Variants in EGF observed in about 807,000 individuals in gnomAD.
EGF encodes epidermal growth factor, also known as pro-epidermal growth factor.
EGF carries 95 observed loss-of-function variants against 143.8 expected under a neutral mutation model. That is an observed-to-expected ratio of 0.66 (90% CI 0.56 to 0.78). The LOEUF (loss-of-function observed/expected upper bound fraction) is 0.78. Ranked by LOEUF, EGF falls within the 30% of genes least tolerant of loss-of-function variation. The pLI, the probability that EGF is intolerant of heterozygous loss-of-function variation, is 0.00. For missense variants in EGF, 1,320 were observed against 1,470.9 expected, an observed-to-expected ratio of 0.90 and a Z score of 1.68; for synonymous variants, 510 against 510.5, an observed-to-expected ratio of 1.00 and a Z score of 0.01.
At chr4:109,986,619 A>G (rs1212492502) in intron 16 of EGF, among the ~76,000 whole-genome samples, 1 of 152,208 alleles carries the variant, frequency 6.6e-6, no homozygotes, top group Non-Finnish European at 1.5e-5. Flanking sequence ...TTCTGTACTA[A>G]GATGAGCAAG....
In EGF at chr4:109,992,377, A is replaced by G. The variant is rs571438283; in HGVS notation, c.2735-870A>G. 4 of 152,260 alleles carry G rather than the reference A, an allele frequency of 2.6e-5. No individual in the cohort carries two copies. The South Asian group carries it at 8.3e-4, about 32-fold the overall frequency. The allele number at this position is 152,260 out of a possible 1,614,324, so 9.4% of individuals were successfully genotyped here. The stretch of plus-strand genomic sequence containing the variant: ...AAATTGGAATGATACAGAGAAGATT[A>G]GCATGGCCCCTGCGCAAGGAGGACA... On this transcript the variant is annotated intron_variant, in intron 18 of 23. Transcript: ENST00000265171.
chr4:109,978,893 G>C (rs530684329), intron 13 of EGF, among the ~76,000 whole-genome samples: 57 of 152,324 alleles, frequency 3.7e-4, no homozygotes, highest in Admixed American at 4.6e-4. Context: ...AGTTATTTGA[G>C]TTTGCCACCA....
intron 16 of EGF, among the ~76,000 whole-genome samples, chr4:109,984,952 C>T (rs1037181476): frequency 6.6e-6 from 1 of 152,146 alleles, no homozygotes; most frequent in Non-Finnish European, 1.5e-5. Context: ...GTCCTCAAGG[C>T]CACAGTTAGT....
At chr4:109,987,696 C>A in intron 16 of EGF, 48 bp from the exon 17 acceptor site, 5 of 1,503,276 alleles carry the variant, frequency 3.3e-6, no homozygotes, top group Non-Finnish European at 4.6e-6. Context: ...AGTCCGTTTT[C>A]TTCTCTAAGG....
intron 1 of EGF, among the ~76,000 whole-genome samples, chr4:109,927,848 TGA>T (rs1739008494): frequency 1.4e-5 from 2 of 142,434 alleles, no homozygotes; most frequent in African/African-American, 5.2e-5. Flanking sequence ...TGTGTGTGTG[TGA>T]AACATTTGGA....
chr4:109,988,581 C>G lies in EGF; in HGVS notation c.2609-3C>G. On this transcript the variant is annotated splice_region_variant and splice_polypyrimidine_tract_variant and intron_variant, in intron 17 of 23. Coordinates refer to ENST00000265171, the MANE Select transcript of EGF (RefSeq NM_001963.6). ...TTGCACTAGTTCATAATTTTGCCCA[C>G]AGATATAGATGAATGTGAGATGGGT... 6.2e-7 allele frequency: 1 copy of G among 1,613,982 alleles called. No individual in the cohort carries two copies. The highest frequency in any genetic ancestry group is 8.5e-7 in the Non-Finnish European group (1 of 1,179,860).
Position 109,946,780 on chromosome 4 carries a change from A to G in EGF, c.940+1505A>G, listed in dbSNP as rs74895108. Among the ~76,000 whole-genome samples the G allele has an allele frequency of 0.013, 1,990 of 152,318 alleles. 209 individuals are homozygous for G. The East Asian group carries it at 0.23, about 18-fold the overall frequency. ...AATGAGTGATTGACTGAATCTAGTCACAGTCCCAAATTTCCACTTCTAAAT... is the reference window on the plus strand; with the variant it reads ...AATGAGTGATTGACTGAATCTAGTCGCAGTCCCAAATTTCCACTTCTAAAT... On this transcript the variant is annotated intron_variant, in intron 5 of 23. Transcript: ENST00000265171.
intron 11 of EGF, among the ~76,000 whole-genome samples, chr4:109,974,160 A>C (rs2126097730): frequency 6.6e-6 from 1 of 152,366 alleles, no homozygotes; most frequent in South Asian, 2.1e-4. Flanking sequence ...GTGCCATTTT[A>C]TATCAGGGAA....
At chr4:110,008,123 CCTCT>C (rs762092350) in intron 22 of EGF, 25 bp from the exon 23 acceptor site, 1 of 1,587,448 alleles carries the variant, frequency 6.3e-7, no homozygotes, top group Admixed American at 1.7e-5. Flanking sequence ...TTAACAATAT[CCTCT>C]CTCCCTCCTT....
rs1366192903 is a variant in EGF, at chr4:109,944,926, CTT to C, written c.738-146_738-145del. ...ATGAGGAGATAAATAAAATTTTAAACTTAATATACTTTTCTAAACATAAATGA... is the reference window on the plus strand; with the variant it reads ...ATGAGGAGATAAATAAAATTTTAAACAATATACTTTTCTAAACATAAATGA... On this transcript the variant is annotated intron_variant, in intron 4 of 23. Transcript: ENST00000265171. The C allele has an allele frequency of 6.0e-6, 5 of 838,342 alleles. No individual in the cohort carries two copies. In the African/African-American group the frequency reaches 8.6e-5, roughly 14 times the overall value. 51.9% of individuals were successfully genotyped at this position (838,342 alleles called of 1,614,324 possible).
In EGF at chr4:109,969,039, G is replaced by T. The variant is rs367804392; in HGVS notation, c.1644G>T (p.Arg548Ser). Residue 548 changes from arginine to serine, a missense_variant, in exon 11 of 24, where the codon AGG (arginine) becomes AGT (serine). Arg to Ser is a moderately radical substitution (Grantham distance 110, BLOSUM62 -1). Around this residue, in one of 5 missense-constraint regions of EGF, gnomAD observed 1,186 missense variants for 1,313.7 expected, o/e 0.90. Coordinates refer to ENST00000265171, the MANE Select transcript of EGF (RefSeq NM_001963.6). ...RANMDGSQRERLIEEGVDVPE... is the reference protein window; with the variant it reads ...RANMDGSQRESLIEEGVDVPE... ...ATATGGATGGTTCCCAGCGAGAAAG[G>T]CTTATTGAGGAAGGAGTAGATGTGC... 17 of 1,614,072 alleles carry T rather than the reference G, an allele frequency of 1.1e-5. No homozygotes were observed. The African/African-American group carries it at 1.6e-4, about 15-fold the overall frequency.
At chr4:109,949,550 T>C in intron 5 of EGF, among the ~76,000 whole-genome samples, 1 of 152,146 alleles carries the variant, frequency 6.6e-6, no homozygotes, top group East Asian at 1.9e-4. Flanking sequence ...ACCCATGTCA[T>C]TTTTCTGTTT....
chr4:110,009,641 TC>T (rs1753754605), intron 23 of EGF, among the ~76,000 whole-genome samples: 1 of 152,080 alleles, frequency 6.6e-6, no homozygotes, highest in African/African-American at 2.4e-5. Context: ...TATAACTATC[TC>T]CCAGCATGAG....
At chr4:109,926,343 A>T (rs900297344) in intron 1 of EGF, among the ~76,000 whole-genome samples, 3 of 146,284 alleles carry the variant, frequency 2.1e-5, no homozygotes, top group Non-Finnish European at 3.0e-5. Context: ...ACAGAGTGAG[A>T]CACTGTCTTT....
rs753659939 is a variant in EGF, at chr4:109,993,293, C to G, written c.2781C>G (p.Ala927=). Residue 927 remains alanine, a synonymous_variant, in exon 19 of 24, where the codon GCC becomes GCG. Transcript: ENST00000265171. The stretch of plus-strand genomic sequence containing the variant: ...GGGAGCACAGCTGTGGAGAGAATGC[C>G]AGCTGCACAAATACAGAGGGAGGCT... The part of the protein sequence containing the change: ...QLGEHSCGEN[A]SCTNTEGGYT... 1.5e-5 allele frequency: 24 copies of G among 1,613,748 alleles called. No homozygotes were observed. The highest frequency in any genetic ancestry group is 2.0e-5 in the Non-Finnish European group (24 of 1,179,898).
chr4:110,008,826 C>T (rs1753649850), intron 23 of EGF, among the ~76,000 whole-genome samples: 1 of 152,180 alleles, frequency 6.6e-6, no homozygotes, highest in African/African-American at 2.4e-5. Context: ...AACTCAGATA[C>T]CCTTAAGAGT....
intron 9 of EGF, 30 bp downstream of exon 9, chr4:109,963,328 C>T (rs1746014429): frequency 6.2e-7 from 1 of 1,613,124 alleles, no homozygotes; most frequent in Non-Finnish European, 8.5e-7. Context: ...GGAACTGTGT[C>T]CCTGAAAAAA....
intron 2 of EGF, 128 bp downstream of exon 2, chr4:109,941,273 G>A: frequency 1.2e-6 from 1 of 826,724 alleles, no homozygotes. Context: ...GCCAAATATA[G>A]GCATTTATTT....
intron 1 of EGF, among the ~76,000 whole-genome samples, chr4:109,932,410 G>A (rs1199972403): frequency 1.6e-3 from 149 of 93,362 alleles, no homozygotes; most frequent in African/African-American, 6.2e-3. Flanking sequence ...ACGGAGTCTC[G>A]CTCTGTTGCC....
Sources: allele counts gnomAD v4.1 joint callset (sites outside exome capture counted in the v4.1 genomes callset), GRCh38; gene constraint gnomAD v4.1.1; regional missense constraint gnomAD v4.1.1; transcripts MANE v1.5; gene names NCBI Gene and HGNC (gene_info 2026-07-23, HGNC 2026-07-21).